The following DOCK10 variants were observed in gnomAD, a reference collection of about 807,000 sequenced individuals.
The protein encoded by DOCK10 is dedicator of cytokinesis 10.
DOCK10 carries 145 observed loss-of-function variants against 280.1 expected under a neutral mutation model. The observed-to-expected ratio is 0.52, with a 90% confidence interval of 0.45 to 0.59. The LOEUF is 0.59. Ranked by LOEUF, DOCK10 falls within the 20% of genes least tolerant of loss-of-function variation. The pLI is 0.00. For missense variants in DOCK10, 2,368 were observed against 2,651.7 expected, an observed-to-expected ratio of 0.89 and a Z score of 2.35; for synonymous variants, 915 against 942.2, an observed-to-expected ratio of 0.97 and a Z score of 0.53.
rs781535862 is a variant in DOCK10, at chr2:224,804,163, G to A, written c.4217C>T (p.Thr1406Ile). The change falls in exon 39 of 56, where the codon ACT becomes ATT. Residue 1406 changes from threonine to isoleucine, a missense_variant. Thr to Ile is a moderately conservative substitution (Grantham distance 89, BLOSUM62 -1). Around this residue, in one of 2 missense-constraint regions of DOCK10, gnomAD observed 1,159 missense variants for 1,400.8 expected, o/e 0.83. Transcript: ENST00000258390. ...KFVQSTQNNG[T>I]LKGSNPSCQT... The stretch of plus-strand genomic sequence containing the variant: ...GCAGGAAGGATTGGATCCTTTGAGA[G>A]TTCCATTGTTCTGGGTGGACTGCAC... The A allele has an allele frequency of 1.2e-6, 2 of 1,612,244 alleles. No individual in the cohort carries two copies. Among genetic ancestry groups the A allele is most frequent in the South Asian group, 1.1e-5 (1 of 90,988 alleles).
chr2:224,923,676 C>T (rs1425370120), intron 2 of DOCK10, among the ~76,000 whole-genome samples: 5 of 152,244 alleles, frequency 3.3e-5, no homozygotes, highest in African/African-American at 1.2e-4. Flanking sequence ...TGGCTGCCCG[C>T]ATTTCTCCTT....
At chr2:224,994,080 A>G (rs184303352) in intron 1 of DOCK10, among the ~76,000 whole-genome samples, 5 of 152,354 alleles carry the variant, frequency 3.3e-5, no homozygotes, top group Admixed American at 3.3e-4. Flanking sequence ...AAAAATGGTG[A>G]CATATTATAT....
chr2:224,979,820 T>C (rs1198989675), intron 1 of DOCK10, among the ~76,000 whole-genome samples: 3 of 152,210 alleles, frequency 2.0e-5, no homozygotes, highest in African/African-American at 7.2e-5. Context: ...ACTGCTCTAA[T>C]TTGATAAAAT....
At chr2:224,855,336 C>CA (rs1164230371) in intron 15 of DOCK10, among the ~76,000 whole-genome samples, 1 of 151,820 alleles carries the variant, frequency 6.6e-6, no homozygotes, top group African/African-American at 2.4e-5. Flanking sequence ...ACACAAAAAT[C>CA]AAAAAAGTAC....
Position 224,849,373 on chromosome 2 carries a change from G to A in DOCK10, c.2235+134C>T, listed in dbSNP as rs1696575534. The A allele has an allele frequency of 7.4e-6, 4 of 537,468 alleles. No individual in the cohort carries two copies. The South Asian group carries it at 1.4e-4, about 18-fold the overall frequency. The allele number at this position is 537,468 out of a possible 1,614,324, so 33.3% of individuals were successfully genotyped here. Reference sequence around the variant, plus strand: ...CCAATTAATATAGTTTAGAAATATTGGTAAGTACATACCTGCCAAGGCATG... The same window carrying A: ...CCAATTAATATAGTTTAGAAATATTAGTAAGTACATACCTGCCAAGGCATG... On this transcript the variant is annotated intron_variant, in intron 19 of 55. Transcript: ENST00000258390.
At chr2:224,828,911 A>C (rs1026283208) in intron 27 of DOCK10, among the ~76,000 whole-genome samples, 8 of 152,022 alleles carry the variant, frequency 5.3e-5, no homozygotes, top group African/African-American at 1.9e-4. Context: ...GGGGATGTTC[A>C]TTCCAATGAA....
rs115492949 is a variant in DOCK10, at chr2:224,874,087, T to C, written c.1166A>G (p.Lys389Arg). Residue 389 changes from lysine to arginine, a missense_variant, in exon 11 of 56, where the codon AAA becomes AGA. Coordinates refer to ENST00000258390, the MANE Select transcript of DOCK10 (RefSeq NM_014689.3). ...GATGATCATGATTCTCTTGGCAGCTTTTTCTTCAAATGGTTTGATCACAGA... is the reference window on the plus strand; with the variant it reads ...GATGATCATGATTCTCTTGGCAGCTCTTTCTTCAAATGGTTTGATCACAGA... ...PESVIKPFEE[K>R]AAKRIMIICK... The C allele has an allele frequency of 2.0e-4, 328 of 1,612,506 alleles. 1 individual carries two copies. The African/African-American group carries it at 3.9e-3, about 19-fold the overall frequency.
Position 224,787,017 on chromosome 2 carries a change from CT to C in DOCK10, c.5655+4del. On this transcript the variant is annotated splice_donor_region_variant and intron_variant, in intron 50 of 55. Coordinates refer to ENST00000258390, the MANE Select transcript of DOCK10 (RefSeq NM_014689.3). ...TATGGGCCGTGTTATTTCTGGTGAA[CT>C]TACCTGCCCATAAAATGCCACACGA... 6.2e-7 allele frequency: 1 copy of C among 1,608,980 alleles called. No individual in the cohort carries two copies. Among genetic ancestry groups the C allele is most frequent in the Non-Finnish European group, 8.5e-7 (1 of 1,175,340 alleles).
chr2:224,874,982 C>T (rs543100200), intron 8 of DOCK10, among the ~76,000 whole-genome samples: 1 of 152,270 alleles, frequency 6.6e-6, no homozygotes, highest in South Asian at 2.1e-4. Context: ...CATCTTGTGT[C>T]CACAAGAACT....
chr2:224,805,494 C>T lies in DOCK10; in HGVS notation c.3850G>A (p.Ala1284Thr), dbSNP rs536282568. 6.9e-5 allele frequency: 111 copies of T among 1,612,596 alleles called. 2 individuals carry two copies. In the South Asian group the frequency reaches 1.2e-3, roughly 17 times the overall value. ...CTTGCTAAAGATGCTCTGGAGTCAGCATGGTTTACTGTAGAAATAGCTATT... is the reference window on the plus strand; with the variant it reads ...CTTGCTAAAGATGCTCTGGAGTCAGTATGGTTTACTGTAGAAATAGCTATT... ...SSIAISTVNHADSRASLASLD... is the reference protein window; with the variant it reads ...SSIAISTVNHTDSRASLASLD... Residue 1284 changes from alanine (A) to threonine (T), a missense_variant, in exon 35 of 56, where the codon GCT becomes ACT. Around this residue, in one of 2 missense-constraint regions of DOCK10, gnomAD observed 1,159 missense variants for 1,400.8 expected, o/e 0.83. Coordinates refer to ENST00000258390, the MANE Select transcript of DOCK10 (RefSeq NM_014689.3). This position sits in a 1 kb window ranked among gnomAD's most constrained non-coding sequence, Gnocchi z 4.3.
chr2:225,017,745 T>C (rs1412036382), intron 1 of DOCK10, among the ~76,000 whole-genome samples: 1 of 151,530 alleles, frequency 6.6e-6, no homozygotes, highest in African/African-American at 2.4e-5. Context: ...CTGGCCTTGC[T>C]GAATATGTTT....
Position 224,823,573 on chromosome 2 carries a change from A to T in DOCK10, c.3111T>A (p.His1037Gln). Reference sequence around the variant, plus strand: ...GTGCATCCTTGTATTTCCAAATCACATGGTCGGATAGGACCATGACAAGAT... The same window carrying T: ...GTGCATCCTTGTATTTCCAAATCACTTGGTCGGATAGGACCATGACAAGAT... ...LDNLVMVLSD[H>Q]VIWKYKDALE... is the part of the protein sequence containing the mutation. Residue 1037 changes from histidine to glutamine, a missense_variant, in exon 28 of 56, where the codon CAT (histidine) becomes CAA (glutamine). Transcript: ENST00000258390. 2 of 1,608,736 alleles carry T rather than the reference A, an allele frequency of 1.2e-6. No individual in the cohort carries two copies. The highest frequency in any genetic ancestry group is 1.7e-6 in the Non-Finnish European group (2 of 1,178,520).
chr2:224,828,773 G>A (rs2125379610), intron 27 of DOCK10, among the ~76,000 whole-genome samples: 1 of 152,260 alleles, frequency 6.6e-6, no homozygotes, highest in East Asian at 1.9e-4. Flanking sequence ...AAGCCAAGAG[G>A]GACCGACTCT....
chr2:224,911,529 G>A (rs1701009658), intron 3 of DOCK10, among the ~76,000 whole-genome samples: 1 of 152,106 alleles, frequency 6.6e-6, no homozygotes, highest in Non-Finnish European at 1.5e-5. Flanking sequence ...TCTAGAGATT[G>A]GGGGTGAAGG....
intron 2 of DOCK10, among the ~76,000 whole-genome samples, chr2:224,930,438 T>C (rs1256664826): frequency 6.6e-6 from 1 of 152,196 alleles, no homozygotes; most frequent in Non-Finnish European, 1.5e-5. Context: ...GTTTAAAATT[T>C]TGAAAAACAT....
chr2:224,983,593 C>T (rs972582567), intron 1 of DOCK10: 15 of 330,804 alleles, frequency 4.5e-5, no homozygotes, highest in African/African-American at 3.2e-4. Flanking sequence ...TTTGCTGTAA[C>T]GTGTGGCCGC....
At chr2:224,873,391 T>C (rs1698413922) in intron 11 of DOCK10, among the ~76,000 whole-genome samples, 1 of 151,902 alleles carries the variant, frequency 6.6e-6, no homozygotes, top group South Asian at 2.1e-4. Context: ...AGTCTGGCCA[T>C]CATGGCAAAA....
intron 6 of DOCK10, 27 bp downstream of exon 6, chr2:224,886,036 T>C (rs10197805): frequency 0.17 from 269,565 of 1,612,690 alleles, 27,193 homozygotes; most frequent in African/African-American, 0.49. Context: ...GTGACAGAGA[T>C]AAAGATGAGT....
At chr2:224,922,187 T>TG (rs2125982396) in intron 2 of DOCK10, among the ~76,000 whole-genome samples, 1 of 151,502 alleles carries the variant, frequency 6.6e-6, no homozygotes, top group East Asian at 1.9e-4. Flanking sequence ...CTGTGGCACT[T>TG]CTTCTCATTT....
Sources: allele counts gnomAD v4.1 joint callset (sites outside exome capture counted in the v4.1 genomes callset), GRCh38; gene constraint gnomAD v4.1.1; regional missense constraint gnomAD v4.1.1; non-coding constraint Gnocchi (gnomAD v3.1); transcripts MANE v1.5; gene names NCBI Gene and HGNC (gene_info 2026-07-23, HGNC 2026-07-21).